The following PPP1R1C variants were observed in gnomAD, a reference collection of about 807,000 sequenced individuals.
PPP1R1C encodes protein phosphatase 1 regulatory inhibitor subunit 1C.
A neutral mutation model predicts 17.4 loss-of-function variants in PPP1R1C; 15 were observed. The ratio of observed to expected loss-of-function variants is 0.86; its 90% CI spans 0.58 to 1.33. PPP1R1C has a LOEUF of 1.33. Among genes scored for constraint, PPP1R1C ranks in the 40% most tolerant of loss-of-function variants. The probability of loss-of-function intolerance (pLI) is 0.00; values close to 1 mark genes in which losing one functional copy is unlikely to be tolerated. For synonymous variants in PPP1R1C, 35 were observed against 43.1 expected, an observed-to-expected ratio of 0.81 and a Z score of 0.73; for missense variants, 143 against 130.0, an observed-to-expected ratio of 1.10 and a Z score of -0.48.
At chr2:182,098,283 T>A (rs536516195) in intron 4 of PPP1R1C, among the ~76,000 whole-genome samples, 5 of 152,338 alleles carry the variant, frequency 3.3e-5, no homozygotes, top group African/African-American at 1.2e-4. Context: ...CTGCACCACA[T>A]GTATTTTTTG....
intron 4 of PPP1R1C, 146 bp from the exon 5 acceptor site, chr2:182,117,061 T>C: frequency 3.1e-6 from 2 of 644,664 alleles, no homozygotes; most frequent in East Asian, 5.7e-5. Context: ...AAGGTTTATA[T>C]AGGATTACAT....
chr2:182,118,841 C>CTCTCCCTCTCTCCCCT (rs1366301942), downstream of PPP1R1C, among the ~76,000 whole-genome samples: 4 of 151,220 alleles, frequency 2.6e-5, no homozygotes, highest in Non-Finnish European at 5.9e-5. Context: ...TTCCTTTTCT[C>CTCTCCCTCTCTCCCCT]TCTCCCTCTC....
At chr2:182,010,132 T>G (rs973854204) in intron 2 of PPP1R1C, among the ~76,000 whole-genome samples, 1 of 102,148 alleles carries the variant, frequency 9.8e-6, no homozygotes, top group Non-Finnish European at 2.2e-5. Context: ...AATTTTAGGA[T>G]AGTTTTTTTT....
chr2:182,000,902 G>A (rs867217764), intron 2 of PPP1R1C, among the ~76,000 whole-genome samples: 3 of 152,166 alleles, frequency 2.0e-5, no homozygotes, highest in African/African-American at 4.8e-5. Context: ...CCATGTATAT[G>A]AGGCCTTATA....
chr2:181,982,540 A>C (rs1161640849), upstream of PPP1R1C, among the ~76,000 whole-genome samples: 2 of 152,246 alleles, frequency 1.3e-5, no homozygotes, highest in African/African-American at 4.8e-5. Flanking sequence ...AGAATAACAT[A>C]AAACTATATA....
At chr2:182,075,834 A>G (rs1688281252) in intron 4 of PPP1R1C, among the ~76,000 whole-genome samples, 1 of 152,164 alleles carries the variant, frequency 6.6e-6, no homozygotes, top group African/African-American at 2.4e-5. Context: ...GTTTCAATTG[A>G]TAATCTTGAG....
chr2:182,129,705 A>G (rs1574473561), exon 6 of PPP1R1C: 1 of 152,146 alleles, frequency 6.6e-6, no homozygotes, highest in East Asian at 1.9e-4. Context: ...CAATAATCCA[A>G]CAAACGCTTC....
intron 2 of PPP1R1C, among the ~76,000 whole-genome samples, chr2:182,018,330 A>G (rs1686319273): frequency 6.6e-6 from 1 of 152,260 alleles, no homozygotes; most frequent in Admixed American, 6.5e-5. Flanking sequence ...ATGAGAAACA[A>G]TATAAAGGAG....
intron 2 of PPP1R1C, among the ~76,000 whole-genome samples, chr2:182,032,641 A>C (rs989309926): frequency 1.3e-5 from 2 of 152,134 alleles, no homozygotes; most frequent in Non-Finnish European, 2.9e-5. Context: ...TGTGGGCTCA[A>C]AGTTAGACTG....
At chr2:182,097,580 A>G (rs1420128916) in intron 4 of PPP1R1C, among the ~76,000 whole-genome samples, 1 of 152,152 alleles carries the variant, frequency 6.6e-6, no homozygotes, top group Non-Finnish European at 1.5e-5. Flanking sequence ...CTTTCCATGA[A>G]ACTGGTGAGA....
intron 5 of PPP1R1C, among the ~76,000 whole-genome samples, chr2:182,127,283 G>C (rs1689898024): frequency 6.6e-6 from 1 of 152,026 alleles, no homozygotes; most frequent in Non-Finnish European, 1.5e-5. Context: ...ATGAGTCACA[G>C]TTCTGGTCTA....
chr2:182,017,580 T>C (rs908302065), intron 2 of PPP1R1C, among the ~76,000 whole-genome samples: 45 of 152,114 alleles, frequency 3.0e-4, no homozygotes, highest in African/African-American at 1.1e-3. Context: ...TGAATTGAAA[T>C]AATTTTTCAC....
At chr2:182,004,511 A>G (rs1404951454) in intron 2 of PPP1R1C, among the ~76,000 whole-genome samples, 2 of 152,230 alleles carry the variant, frequency 1.3e-5, no homozygotes, top group African/African-American at 4.8e-5. Context: ...AAGGCAGGGA[A>G]GACTATCCAA....
chr2:182,069,665 A>C (rs534857873), intron 4 of PPP1R1C, among the ~76,000 whole-genome samples: 35 of 152,322 alleles, frequency 2.3e-4, no homozygotes, highest in African/African-American at 8.4e-4. Context: ...ATTGGAAAAG[A>C]AGAGCACCAT....
chr2:182,034,697 G>T (rs1041925578), intron 2 of PPP1R1C, among the ~76,000 whole-genome samples: 1 of 152,200 alleles, frequency 6.6e-6, no homozygotes, highest in Non-Finnish European at 1.5e-5. Flanking sequence ...TCAGAAATGT[G>T]CGAATGTCAA....
At chr2:182,107,965 C>T (rs1048036971) in intron 4 of PPP1R1C, among the ~76,000 whole-genome samples, 15 of 151,978 alleles carry the variant, frequency 9.9e-5, no homozygotes, top group African/African-American at 3.6e-4. Flanking sequence ...CTATCCCCAC[C>T]TGCATTCTGA....
At chr2:181,990,285 C>T (rs1685438839) in intron 2 of PPP1R1C, among the ~76,000 whole-genome samples, 1 of 151,994 alleles carries the variant, frequency 6.6e-6, no homozygotes, top group East Asian at 1.9e-4. Context: ...ACTACAGGCT[C>T]CTGCCACCAC....
chr2:182,100,741 T>A (rs1689076171), intron 4 of PPP1R1C, among the ~76,000 whole-genome samples: 1 of 152,166 alleles, frequency 6.6e-6, no homozygotes, highest in Non-Finnish European at 1.5e-5. Context: ...CCTGTCTACT[T>A]CAGCCTCCAC....
intron 4 of PPP1R1C, among the ~76,000 whole-genome samples, chr2:182,066,510 A>C (rs1687987558): frequency 6.6e-6 from 1 of 152,064 alleles, no homozygotes; most frequent in Non-Finnish European, 1.5e-5. Context: ...TCCCCTTGTC[A>C]CCATCATTAA....
Sources: gnomAD v4.1 joint callset for allele counts (sites outside exome capture counted in the v4.1 genomes callset) on GRCh38, gnomAD v4.1.1 for gene constraint, MANE v1.5 for transcripts, NCBI Gene and HGNC (gene_info 2026-07-23, HGNC 2026-07-21) for gene names.